FBN1: variants seen among roughly 807,000 people sequenced by gnomAD.
FBN1 encodes fibrillin 1, also known as fibrillin-1.
Under a neutral mutation model 365.1 loss-of-function variants are expected in FBN1, and 29 were observed. The ratio of observed to expected loss-of-function variants is 0.08; its 90% CI spans 0.06 to 0.11. The LOEUF (loss-of-function observed/expected upper bound fraction) is 0.11. Among genes scored for constraint, FBN1 ranks in the 10% least tolerant of loss-of-function variants. The pLI is 1.00. For missense variants in FBN1, 2,476 were observed against 3,703.2 expected, an observed-to-expected ratio of 0.67 and a Z score of 8.60; for synonymous variants, 1,210 against 1,270.5, an observed-to-expected ratio of 0.95 and a Z score of 1.01.
At chr15:48,534,247 T>A in intron 7 of FBN1, 42 bp from the exon 8 acceptor site, 3 of 1,576,384 alleles carry the variant, frequency 1.9e-6, no homozygotes, top group Non-Finnish European at 1.7e-6. Flanking sequence ...AAAAAACTCA[T>A]ATGAAATTCA....
chr15:48,474,256 T>C lies in FBN1; in HGVS notation c.4209A>G (p.Thr1403=), dbSNP rs886038931. Reference sequence around the variant, plus strand: ...CAGTTGTTTCCAGCGTGAACATACCTGTACAAGTGAAGCCATCACCTGTGT... The same window carrying C: ...CAGTTGTTTCCAGCGTGAACATACCCGTACAAGTGAAGCCATCACCTGTGT... ...EGYTGDGFTC[T]DLDECSENLN... is the part of the protein sequence containing the mutation. The change falls in exon 34 of 66, where the codon ACA becomes ACG. Residue 1403 remains threonine, a splice_region_variant and synonymous_variant. Transcript: ENST00000316623. 3 of 1,614,030 alleles carry C rather than the reference T, an allele frequency of 1.9e-6. No individual in the cohort carries two copies. Among genetic ancestry groups the C allele is most frequent in the Non-Finnish European group, 2.5e-6 (3 of 1,180,004 alleles).
intron 10 of FBN1, among the ~76,000 whole-genome samples, chr15:48,518,217 T>C (rs1192365797): frequency 6.6e-6 from 1 of 152,212 alleles, no homozygotes; most frequent in East Asian, 1.9e-4. Context: ...ATTCTTCCTA[T>C]AGATTTATCA....
intron 42 of FBN1, among the ~76,000 whole-genome samples, chr15:48,460,778 T>C (rs993018186): frequency 3.3e-5 from 5 of 152,204 alleles, no homozygotes; most frequent in Non-Finnish European, 5.9e-5. Context: ...TAATGACTAA[T>C]TTGGGTCAAT....
At chr15:48,505,776 C>T (rs1227059702) in intron 15 of FBN1, among the ~76,000 whole-genome samples, 1 of 152,206 alleles carries the variant, frequency 6.6e-6, no homozygotes, top group Non-Finnish European at 1.5e-5. Context: ...TTTACAAACA[C>T]TTTATGGTAT....
chr15:48,519,145 TTAG>T (rs1466305190), intron 10 of FBN1, among the ~76,000 whole-genome samples: 2 of 152,224 alleles, frequency 1.3e-5, no homozygotes, highest in African/African-American at 4.8e-5. Flanking sequence ...AAGCCATGTC[TTAG>T]TAGGAAGTCA....
At chr15:48,576,807 C>A (rs1029516254) in intron 6 of FBN1, among the ~76,000 whole-genome samples, 1 of 152,094 alleles carries the variant, frequency 6.6e-6, no homozygotes, top group African/African-American at 2.4e-5. Flanking sequence ...CATGGAAGAA[C>A]TAGGTCAGAC....
chr15:48,454,849 G>A (rs1033598396), intron 44 of FBN1, among the ~76,000 whole-genome samples: 2 of 152,216 alleles, frequency 1.3e-5, no homozygotes, highest in African/African-American at 4.8e-5. Context: ...GAGCAGGAGT[G>A]TGTCTGCCTT....
intron 7 of FBN1, among the ~76,000 whole-genome samples, chr15:48,536,373 A>C (rs2044014101): frequency 6.6e-6 from 1 of 151,984 alleles, no homozygotes; most frequent in Non-Finnish European, 1.5e-5. Flanking sequence ...TAGCACCCTA[A>C]CCTCTGACAA....
Position 48,474,342 on chromosome 15 carries a change from T to C in FBN1, c.4123A>G (p.Ser1375Gly). 6.2e-7 allele frequency: 1 copy of C among 1,614,176 alleles called. No homozygotes were observed. The highest frequency in any genetic ancestry group is 1.1e-5 in the South Asian group (1 of 91,080). The change falls in exon 34 of 66, where the codon AGC becomes GGC. Residue 1375 changes from serine (S) to glycine (G), a missense_variant. Ser to Gly is a moderately conservative substitution (Grantham distance 56). Around this residue, in one of 5 missense-constraint regions of FBN1, gnomAD observed 1,780 missense variants for 2,840.8 expected, o/e 0.63. Coordinates refer to ENST00000316623, the MANE Select transcript of FBN1 (RefSeq NM_000138.5). ...DECSNGTHMC[S>G]QHADCKNTMG... ...GTATTCTTGCAGTCTGCATGCTGGCTGCACATATGGGTTCCATTGGAACAT... is the reference window on the plus strand; with the variant it reads ...GTATTCTTGCAGTCTGCATGCTGGCCGCACATATGGGTTCCATTGGAACAT...
rs1204610228 is a variant in FBN1, at chr15:48,543,621, CAT to C, written c.539-5815_539-5814del. Among the ~76,000 whole-genome samples the C allele has an allele frequency of 2.0e-5, 3 of 152,268 alleles. No individual in the cohort carries two copies. The East Asian group carries it at 5.8e-4, about 29-fold the overall frequency. On this transcript the variant is annotated intron_variant, in intron 6 of 65. Coordinates refer to ENST00000316623, the MANE Select transcript of FBN1 (RefSeq NM_000138.5). ...AAGGAAACAACCAGAAAACTCAGAA[CAT>C]GTGATATTTTCTAAGGCAATTGTCT...
At chr15:48,643,595 C>A (rs1437083692) in intron 2 of FBN1, 1 of 152,162 alleles carries the variant, frequency 6.6e-6, no homozygotes, top group Non-Finnish European at 1.5e-5. Context: ...GATACCATCA[C>A]TTGGTGACCC....
intron 4 of FBN1, among the ~76,000 whole-genome samples, chr15:48,607,878 G>A (rs865834834): frequency 5.9e-5 from 9 of 152,290 alleles, no homozygotes; most frequent in Middle Eastern, 6.8e-3. Flanking sequence ...TGACAATTAG[G>A]ATTGCTCAAA....
At chr15:48,612,217 TGG>T (rs1347916065) in intron 3 of FBN1, among the ~76,000 whole-genome samples, 1 of 152,200 alleles carries the variant, frequency 6.6e-6, no homozygotes, top group Non-Finnish European at 1.5e-5. Flanking sequence ...AAGCAAATAT[TGG>T]CCAATATAGT....
intron 4 of FBN1, among the ~76,000 whole-genome samples, chr15:48,609,656 C>T (rs374282932): frequency 4.6e-5 from 7 of 152,330 alleles, no homozygotes; most frequent in African/African-American, 1.7e-4. Context: ...TAAAAGTCTG[C>T]TTCCAGGTCC....
At position 48,503,908 on chromosome 15, in the gene FBN1, T is replaced by A. The variant is rs183929553; in HGVS notation, c.1992A>T (p.Gly664=). The A allele has an allele frequency of 5.1e-5, 83 of 1,614,206 alleles. No homozygotes were observed. In the East Asian group the frequency reaches 1.8e-3, roughly 35 times the overall value. Residue 664 remains glycine (G), a synonymous_variant, in exon 17 of 66, where the codon GGA becomes GGT. Coordinates refer to ENST00000316623, the MANE Select transcript of FBN1 (RefSeq NM_000138.5). ...DTHMRSTCYG[G]YKRGQCIKPL... ...GTTTGATACACTGGCCTCTCTTGTA[T>A]CCACCATAGCATGTGCTCCGCATGT...
intron 55 of FBN1, among the ~76,000 whole-genome samples, chr15:48,431,855 A>G (rs947980421): frequency 6.6e-6 from 1 of 151,962 alleles, no homozygotes; most frequent in African/African-American, 2.4e-5. Flanking sequence ...GGGTTTCACT[A>G]TGTTGGTCAG....
chr15:48,518,522 T>A (rs115923927), intron 10 of FBN1, among the ~76,000 whole-genome samples: 5 of 152,372 alleles, frequency 3.3e-5, no homozygotes, highest in African/African-American at 1.2e-4. Flanking sequence ...CTTATCAGCA[T>A]TTCTGCTAAT....
intron 31 of FBN1, 146 bp downstream of exon 31, chr15:48,483,672 G>T: frequency 1.1e-6 from 1 of 880,714 alleles, no homozygotes; most frequent in Non-Finnish European, 1.8e-6. Flanking sequence ...TCTTTGGAAT[G>T]CTGGTTAAAA....
chr15:48,572,553 T>C (rs1597612172), intron 6 of FBN1, among the ~76,000 whole-genome samples: 1 of 149,658 alleles, frequency 6.7e-6, no homozygotes, highest in Non-Finnish European at 1.5e-5. Context: ...CCTCAAAGAA[T>C]AGGAAGCAAA....
Sources: allele counts gnomAD v4.1 joint callset (sites outside exome capture counted in the v4.1 genomes callset), GRCh38; gene constraint gnomAD v4.1.1; regional missense constraint gnomAD v4.1.1; transcripts MANE v1.5; gene names NCBI Gene and HGNC (gene_info 2026-07-23, HGNC 2026-07-21).